The following HOATZ variants were observed in gnomAD, a reference collection of about 807,000 sequenced individuals.
The protein encoded by HOATZ is HOATZ cilia and flagella associated protein, also known as cilia- and flagella-associated protein HOATZ.
In HOATZ, 26 loss-of-function variants were observed where a neutral mutation model predicts 24.9. The observed-to-expected ratio is 1.04, with a 90% CI of 0.76 to 1.45. The LOEUF is 1.45. Ranked by LOEUF, HOATZ falls within the 40% of genes most tolerant of loss-of-function variation. The pLI is 0.00. For missense variants in HOATZ, 226 were observed against 201.5 expected, an observed-to-expected ratio of 1.12 and a Z score of -0.74; for synonymous variants, 83 against 76.6, an observed-to-expected ratio of 1.08 and a Z score of -0.43.
intron 3 of HOATZ, among the ~76,000 whole-genome samples, chr11:111,526,965 A>G (rs549957951): frequency 1.3e-5 from 2 of 152,322 alleles, no homozygotes; most frequent in South Asian, 4.1e-4. Context: ...ATAACATATA[A>G]TTCAATCATA....
At chr11:111,517,922 G>A (rs1324351793) in intron 3 of HOATZ, among the ~76,000 whole-genome samples, 1 of 151,874 alleles carries the variant, frequency 6.6e-6, no homozygotes, top group African/African-American at 2.4e-5. Flanking sequence ...ACAAGATCAA[G>A]GCCAAACTCC....
At position 111,537,009 on chromosome 11, in the gene HOATZ, A is replaced by G; in HGVS notation, c.*182A>G. 7.2e-6 allele frequency: 4 copies of G among 558,816 alleles called. No homozygotes were observed. In the East Asian group the frequency reaches 1.2e-4, roughly 16 times the overall value. The allele number at this position is 558,816 out of a possible 1,614,324, so 34.6% of individuals were successfully genotyped here. On this transcript the variant is annotated 3_prime_UTR_variant, in exon 6 of 6. Transcript: ENST00000375618. ...GTACTTGTGTTAAAATAAAGAAATAAAGGTTAAATATGCAGGCTTCTATGA... is the reference window on the plus strand; with the variant it reads ...GTACTTGTGTTAAAATAAAGAAATAGAGGTTAAATATGCAGGCTTCTATGA...
At chr11:111,526,871 A>C (rs1329640078) in intron 3 of HOATZ, 1 of 152,236 alleles carries the variant, frequency 6.6e-6, no homozygotes, top group Non-Finnish European at 1.5e-5. Context: ...CATAGCTCAT[A>C]TAACCAGCAA....
At chr11:111,520,314 G>A (rs1036580148) in intron 3 of HOATZ, among the ~76,000 whole-genome samples, 3 of 152,190 alleles carry the variant, frequency 2.0e-5, no homozygotes, top group African/African-American at 7.2e-5. Flanking sequence ...GGAGAAGGAA[G>A]AAGAGGTCAG....
chr11:111,515,467 T>G, intron 1 of HOATZ, 44 bp from the exon 2 acceptor site: 1 of 1,552,104 alleles, frequency 6.4e-7, no homozygotes, highest in East Asian at 2.2e-5. Flanking sequence ...TTAATGTTGT[T>G]GACTTTTCCA....
Position 111,514,819 on chromosome 11 carries a change from G to T in HOATZ, c.35G>T (p.Arg12Leu), listed in dbSNP as rs771451441. 6.2e-7 allele frequency: 1 copy of T among 1,614,030 alleles called. No individual in the cohort carries two copies. The highest frequency in any genetic ancestry group is 2.2e-5 in the East Asian group (1 of 44,866). The change falls in exon 1 of 6, where the codon CGA (arginine) becomes CTA (leucine). Residue 12 changes from arginine to leucine, a missense_variant. Arg to Leu is a moderately radical substitution (Grantham distance 102). Transcript: ENST00000375618. ...GGACCCAGCGAAGAACCTAGCGGCCGAAAAGAGTCCCAGGAAATGTGCCCC... is the reference window on the plus strand; with the variant it reads ...GGACCCAGCGAAGAACCTAGCGGCCTAAAAGAGTCCCAGGAAATGTGCCCC... ...ETGPSEEPSG[R>L]KESQEMCPPG...
At chr11:111,516,560 A>T (rs74884238) in intron 3 of HOATZ, among the ~76,000 whole-genome samples, 54 of 151,706 alleles carry the variant, frequency 3.6e-4, no homozygotes, top group African/African-American at 6.3e-4. Flanking sequence ...AAAAAAAAAA[A>T]TTTTTAATTT....
intron 3 of HOATZ, among the ~76,000 whole-genome samples, chr11:111,524,375 C>T (rs757610582): frequency 7.2e-5 from 11 of 152,270 alleles, no homozygotes; most frequent in African/African-American, 7.2e-5. Flanking sequence ...ATTTGATAGA[C>T]GTTCAAAAAC....
chr11:111,535,431 C>T (rs532466766), intron 5 of HOATZ: 4 of 152,192 alleles, frequency 2.6e-5, no homozygotes, highest in East Asian at 1.9e-4. Context: ...TCAATAGATA[C>T]GTCTGGGTGC....
chr11:111,522,949 G>A (rs1341426860), intron 3 of HOATZ, among the ~76,000 whole-genome samples: 1 of 152,154 alleles, frequency 6.6e-6, no homozygotes, highest in Non-Finnish European at 1.5e-5. Flanking sequence ...GCTGGGCGTG[G>A]TGGTGCATGC....
chr11:111,529,780 A>G (rs941753356), intron 3 of HOATZ, among the ~76,000 whole-genome samples: 10 of 152,224 alleles, frequency 6.6e-5, no homozygotes, highest in African/African-American at 2.4e-4. Context: ...TCTAAAGTCT[A>G]GTGTTTATTA....
chr11:111,514,978 C>T lies in HOATZ; in HGVS notation c.194C>T (p.Pro65Leu), dbSNP rs1243166216. Residue 65 changes from proline (P) to leucine (L), a missense_variant, in exon 1 of 6, where the codon CCG becomes CTG. Pro to Leu is a moderately conservative substitution (Grantham distance 98). Transcript: ENST00000375618. ...CGCAGAGACAGCAGTCAGCGTCTGC[C>T]GGTGGCGCGGCCCAGGAGGAGCAGA... ...VLRRDSSQRL[P>L]VARPRRSRGS... 6.2e-7 allele frequency: 1 copy of T among 1,613,442 alleles called. No individual in the cohort carries two copies. The highest frequency in any genetic ancestry group is 1.7e-5 in the Admixed American group (1 of 60,026).
chr11:111,524,131 C>T (rs577494251), intron 3 of HOATZ, among the ~76,000 whole-genome samples: 2 of 152,284 alleles, frequency 1.3e-5, no homozygotes, highest in Admixed American at 6.5e-5. Flanking sequence ...TAGCCCAGTT[C>T]CTTGAGCTAG....
chr11:111,525,110 A>G, intron 3 of HOATZ: 1 of 235,526 alleles, frequency 4.2e-6, no homozygotes, highest in Non-Finnish European at 8.6e-6. Context: ...AGCTCAAGCG[A>G]TTTGCCCACC....
intron 3 of HOATZ, among the ~76,000 whole-genome samples, chr11:111,522,231 G>A (rs764859749): frequency 6.6e-6 from 1 of 152,190 alleles, no homozygotes; most frequent in Non-Finnish European, 1.5e-5. Context: ...GAAACTATTA[G>A]ATGCAAAATG....
intron 1 of HOATZ, 62 bp downstream of exon 1, chr11:111,515,072 C>G: frequency 8.4e-7 from 1 of 1,186,438 alleles, no homozygotes; most frequent in Non-Finnish European, 1.2e-6. Context: ...CCTGCAGGTA[C>G]CAGAGCCCTT....
intron 3 of HOATZ, among the ~76,000 whole-genome samples, chr11:111,518,444 G>A (rs1867232457): frequency 6.6e-6 from 1 of 152,126 alleles, no homozygotes. Context: ...ATGTATATTA[G>A]GTACTGTACA....
chr11:111,521,656 T>A (rs1022662345), intron 3 of HOATZ, among the ~76,000 whole-genome samples: 2 of 152,236 alleles, frequency 1.3e-5, no homozygotes, highest in Non-Finnish European at 2.9e-5. Context: ...CTTGTTCTTC[T>A]CTTCCTAATT....
chr11:111,520,857 A>G (rs985927137), intron 3 of HOATZ, among the ~76,000 whole-genome samples: 1 of 152,228 alleles, frequency 6.6e-6, no homozygotes, highest in African/African-American at 2.4e-5. Flanking sequence ...TCGCATTCAC[A>G]TAACTTTTAT....
Sources: gnomAD v4.1 joint callset for allele counts (sites outside exome capture counted in the v4.1 genomes callset) on GRCh38, gnomAD v4.1.1 for gene constraint, MANE v1.5 for transcripts, NCBI Gene and HGNC (gene_info 2026-07-23, HGNC 2026-07-21) for gene names.